ROCK1: variants seen among roughly 807,000 people sequenced by gnomAD.
ROCK1 encodes the protein rho-associated protein kinase 1.
ROCK1 carries 36 observed loss-of-function variants against 196.8 expected under a neutral mutation model. The ratio of observed to expected loss-of-function variants is 0.18; its 90% CI spans 0.14 to 0.24. The LOEUF (loss-of-function observed/expected upper bound fraction) is 0.24, where lower values mean the gene tolerates loss of function less well. Among genes scored for constraint, ROCK1 ranks in the 10% least tolerant of loss-of-function variants. The pLI is 1.00. For missense variants in ROCK1, 920 were observed against 1,562.0 expected (o/e 0.59, Z 6.93); for synonymous variants, 443 against 515.9 (o/e 0.86, Z 1.91).
intron 20 of ROCK1, 126 bp downstream of exon 20, chr18:20,984,225 A>G (rs2035558172): frequency 1.4e-6 from 1 of 714,194 alleles, no homozygotes; most frequent in South Asian, 2.3e-5. Context: ...TTTTACTTCT[A>G]AATACTTTTT....
Position 20,948,359 on chromosome 18 carries a change from A to C in ROCK1, c.*3025T>G, listed in dbSNP as rs1171596606. The C allele has an allele frequency of 2.6e-5, 4 of 151,842 alleles. No homozygotes were observed. Among genetic ancestry groups the C allele is most frequent in the African/African-American group, 7.3e-5 (3 of 41,096 alleles). 9.4% of individuals were successfully genotyped at this position (151,842 alleles called of 1,614,324 possible). A position where few individuals can be genotyped will look rare whatever the true frequency, so the allele number is the denominator to read the frequency against. On this transcript the variant is annotated 3_prime_UTR_variant, in exon 33 of 33. Coordinates refer to ENST00000399799, the MANE Select transcript of ROCK1 (RefSeq NM_005406.3). ...AACTGAATATCCATATGGGAGAAAT[A>C]CTGCTTGATCTCTACCTCACTCTGA...
intron 1 of ROCK1, among the ~76,000 whole-genome samples, chr18:21,078,218 G>A (rs1379407033): frequency 1.6e-4 from 24 of 152,082 alleles, no homozygotes; most frequent in South Asian, 2.1e-4. Flanking sequence ...GGTCCCAACC[G>A]TTTGGGGGGC....
At chr18:21,102,860 T>C (rs1598564204) in intron 1 of ROCK1, among the ~76,000 whole-genome samples, 1 of 151,392 alleles carries the variant, frequency 6.6e-6, no homozygotes, top group East Asian at 1.9e-4. Context: ...GGCCAGACCC[T>C]GTCTCAAAAA....
chr18:21,088,372 T>C (rs2036543943), intron 1 of ROCK1, among the ~76,000 whole-genome samples: 1 of 152,142 alleles, frequency 6.6e-6, no homozygotes, highest in South Asian at 2.1e-4. Context: ...GGCACACGCC[T>C]GTGGTCCCAG....
chr18:21,033,412 T>C (rs1369465955), intron 9 of ROCK1, among the ~76,000 whole-genome samples: 3 of 152,104 alleles, frequency 2.0e-5, no homozygotes, highest in Non-Finnish European at 4.4e-5. Context: ...CTTCCCCCTA[T>C]GACCAGGAAC....
intron 22 of ROCK1, among the ~76,000 whole-genome samples, chr18:20,977,701 A>G (rs185616727): frequency 2.0e-5 from 3 of 152,302 alleles, no homozygotes; most frequent in Admixed American, 2.0e-4. Flanking sequence ...ACTCTGAAAC[A>G]ATATAGTATG....
At chr18:21,015,282 G>A (rs986092497) in intron 13 of ROCK1, 149 bp downstream of exon 13, 2 of 658,388 alleles carry the variant, frequency 3.0e-6, no homozygotes, top group East Asian at 2.8e-5. Flanking sequence ...ACTTGAAACT[G>A]CAGTTCCAAG....
At chr18:21,079,550 G>A (rs1206640754) in intron 1 of ROCK1, among the ~76,000 whole-genome samples, 1 of 152,208 alleles carries the variant, frequency 6.6e-6, no homozygotes, top group Non-Finnish European at 1.5e-5. Context: ...GCATTTCCTG[G>A]AGGGGTAAGA....
Position 20,959,870 on chromosome 18 carries a change from T to A in ROCK1, c.3482A>T (p.Gln1161Leu). Residue 1161 changes from glutamine to leucine, a missense_variant, in exon 29 of 33, where the codon CAA becomes CTA. By Grantham distance (113) the Gln-to-Leu change is moderately radical (BLOSUM62 -2). Around this residue, in one of 6 missense-constraint regions of ROCK1, gnomAD observed 116 missense variants for 204.2 expected, o/e 0.57. Transcript: ENST00000399799. ...LFYNDEQDKEQSNPSMVLDID... is the reference protein window; with the variant it reads ...LFYNDEQDKELSNPSMVLDID... ...GTCCAATACCATAGATGGATTGGATTGCTCCTTATCTTGTTCGTCATTATA... is the reference window on the plus strand; with the variant it reads ...GTCCAATACCATAGATGGATTGGATAGCTCCTTATCTTGTTCGTCATTATA... 2 of 1,611,304 alleles carry A rather than the reference T, an allele frequency of 1.2e-6. No homozygotes were observed. The highest frequency in any genetic ancestry group is 8.5e-7 in the Non-Finnish European group (1 of 1,178,388).
chr18:21,110,777 T>A (rs776317135), intron 1 of ROCK1, 41 bp downstream of exon 1: 6 of 1,517,842 alleles, frequency 4.0e-6, no homozygotes, highest in Non-Finnish European at 5.5e-6. Context: ...AGGAAAGACA[T>A]GCAAAACCCC....
chr18:20,958,878 TATAA>T (rs1328335697), intron 29 of ROCK1, among the ~76,000 whole-genome samples: 28 of 113,656 alleles, frequency 2.5e-4, no homozygotes, highest in African/African-American at 1.0e-3. Context: ...ATATTATATA[TATAA>T]ATATATATAT....
chr18:21,028,417 G>C (rs984698670), intron 10 of ROCK1, among the ~76,000 whole-genome samples: 1 of 151,372 alleles, frequency 6.6e-6, no homozygotes, highest in Non-Finnish European at 1.5e-5. Flanking sequence ...CTCCATCGTG[G>C]AAAAAAACAA....
At chr18:21,108,975 T>C (rs1251321003) in intron 1 of ROCK1, among the ~76,000 whole-genome samples, 1 of 152,214 alleles carries the variant, frequency 6.6e-6, no homozygotes, top group African/African-American at 2.4e-5. Context: ...TCCCCAAACA[T>C]GTCATAGCCA....
intron 1 of ROCK1, among the ~76,000 whole-genome samples, chr18:21,073,701 A>G (rs994227660): frequency 3.3e-5 from 5 of 152,204 alleles, no homozygotes; most frequent in Admixed American, 2.6e-4. Context: ...CTCAAAATCC[A>G]TTGAAAACTA....
Position 21,031,621 on chromosome 18 carries a change from A to G in ROCK1, c.1052-2686T>C, listed in dbSNP as rs1184803628. ...CTCCATCTCAAAAAAAAAAAAAAAA[A>G]AAAAGAAAATAATATAGAAACCACC... On this transcript the variant is annotated intron_variant, in intron 9 of 32. Coordinates refer to ENST00000399799, the MANE Select transcript of ROCK1 (RefSeq NM_005406.3). Among the ~76,000 whole-genome samples the G allele has an allele frequency of 3.8e-4, 57 of 150,350 alleles. No homozygotes were observed. The East Asian group carries it at 4.3e-3, about 11-fold the overall frequency.
chr18:21,044,013 C>A (rs73959778), intron 6 of ROCK1, 89 bp downstream of exon 6: 66,867 of 769,304 alleles, frequency 0.087, 7,650 homozygotes, highest in African/African-American at 0.44. Context: ...TAAATTCTTA[C>A]ACCATTTTCT....
chr18:21,015,937 G>A lies in ROCK1; in HGVS notation c.1362-458C>T, dbSNP rs928366432. Among the ~76,000 whole-genome samples, 11 of 151,424 alleles carry A rather than the reference G, an allele frequency of 7.3e-5. 1 individual carries two copies. Among genetic ancestry groups the A allele is most frequent in the Non-Finnish European group, 1.3e-4 (9 of 67,940 alleles). On this transcript the variant is annotated intron_variant, in intron 12 of 32. Coordinates refer to ENST00000399799, the MANE Select transcript of ROCK1 (RefSeq NM_005406.3). ...GGAGGTTGCAGTGAGCCGAGATCAT[G>A]CTACTGTACTCCAGCCTGGGTGATA...
chr18:20,958,882 AAT>A (rs1555743038), intron 29 of ROCK1, among the ~76,000 whole-genome samples: 59 of 26,872 alleles, frequency 2.2e-3, no homozygotes, highest in African/African-American at 8.7e-3. Flanking sequence ...TATATATATA[AAT>A]ATATATATTT....
intron 4 of ROCK1, among the ~76,000 whole-genome samples, chr18:21,045,899 GTTTTTTTTTTTTTTTT>G (rs34360056): frequency 4.8e-5 from 3 of 62,470 alleles, no homozygotes; most frequent in East Asian, 6.2e-4. Flanking sequence ...AGTTTCAGCT[GTTTTTTTTTTTTTTTT>G]TTTTTTTTTT....
Sources: allele counts gnomAD v4.1 joint callset (sites outside exome capture counted in the v4.1 genomes callset), GRCh38; gene constraint gnomAD v4.1.1; regional missense constraint gnomAD v4.1.1; transcripts MANE v1.5; gene names NCBI Gene and HGNC (gene_info 2026-07-23, HGNC 2026-07-21).